The following ERBB4 variants were observed in gnomAD, a reference collection of about 807,000 sequenced individuals.
ERBB4 encodes the protein receptor tyrosine-protein kinase erbB-4.
Under a neutral mutation model 158.0 loss-of-function variants are expected in ERBB4, and 42 were observed. That is an observed-to-expected ratio of 0.27 (90% CI 0.21 to 0.34). ERBB4 has a LOEUF of 0.34. Ranked by LOEUF, ERBB4 falls within the 10% of genes least tolerant of loss-of-function variation. The pLI, the probability that ERBB4 is intolerant of heterozygous loss-of-function variation, is 1.00. For synonymous variants in ERBB4, 583 were observed against 558.7 expected, an observed-to-expected ratio of 1.04 and a Z score of -0.61; for missense variants, 1,333 against 1,624.1, an observed-to-expected ratio of 0.82 and a Z score of 3.08.
intron 1 of ERBB4, among the ~76,000 whole-genome samples, chr2:212,311,678 C>A (rs1402103798): frequency 1.3e-5 from 2 of 150,914 alleles, no homozygotes; most frequent in East Asian, 3.9e-4. Flanking sequence ...TTTTTAAAAA[C>A]CACAAATGGG....
intron 4 of ERBB4, among the ~76,000 whole-genome samples, chr2:211,780,131 GC>G (rs1199859402): frequency 6.6e-6 from 1 of 152,302 alleles, no homozygotes; most frequent in African/African-American, 2.4e-5. Flanking sequence ...TGAGGCTGTG[GC>G]GGGAGGATAA....
intron 1 of ERBB4, among the ~76,000 whole-genome samples, chr2:212,257,663 T>G (rs1009947210): frequency 2.0e-5 from 3 of 152,140 alleles, no homozygotes; most frequent in African/African-American, 4.8e-5. Context: ...ATGGAATTGT[T>G]AAGAATTCAC....
chr2:212,113,505 C>A (rs758212360), intron 2 of ERBB4, among the ~76,000 whole-genome samples: 3 of 126,322 alleles, frequency 2.4e-5, no homozygotes, highest in Non-Finnish European at 3.2e-5. Context: ...ACCCGGGAGG[C>A]GGAGCTTGCA....
chr2:211,973,369 T>C (rs2081510953), intron 2 of ERBB4, among the ~76,000 whole-genome samples: 1 of 151,948 alleles, frequency 6.6e-6, no homozygotes, highest in Admixed American at 6.6e-5. Flanking sequence ...ACCTGGCTAA[T>C]TTTTTGTATT....
intron 3 of ERBB4, among the ~76,000 whole-genome samples, chr2:211,894,681 G>C (rs2079055940): frequency 2.0e-5 from 3 of 152,240 alleles, no homozygotes; most frequent in Admixed American, 6.5e-5. Flanking sequence ...TATAGGATAG[G>C]GTGCTGATTG....
At chr2:212,068,695 C>T (rs1412491938) in intron 2 of ERBB4, among the ~76,000 whole-genome samples, 1 of 152,054 alleles carries the variant, frequency 6.6e-6, no homozygotes, top group African/African-American at 2.4e-5. Flanking sequence ...TTTGTCTCTG[C>T]TTTCTTCAGA....
intron 2 of ERBB4, among the ~76,000 whole-genome samples, chr2:211,955,263 T>A (rs530483620): frequency 4.9e-4 from 74 of 152,202 alleles, no homozygotes; most frequent in African/African-American, 1.7e-3. Context: ...ATTTCACTCA[T>A]CACTGGCCGC....
chr2:211,860,976 AAATATATTATATAATAT>A (rs1323874653), intron 3 of ERBB4, among the ~76,000 whole-genome samples: 1 of 74,732 alleles, frequency 1.3e-5, no homozygotes, highest in Non-Finnish European at 2.7e-5. Context: ...AAATATATTT[AAATATATTATATAATAT>A]AATATATTAT....
At chr2:211,742,719 A>G (rs2074837956) in intron 5 of ERBB4, among the ~76,000 whole-genome samples, 1 of 152,056 alleles carries the variant, frequency 6.6e-6, no homozygotes, top group Non-Finnish European at 1.5e-5. Context: ...AAATTTTCCT[A>G]GCATATTCTA....
At chr2:212,436,574 G>A (rs1450327046) in intron 1 of ERBB4, among the ~76,000 whole-genome samples, 1 of 151,920 alleles carries the variant, frequency 6.6e-6, no homozygotes, top group African/African-American at 2.4e-5. Context: ...TCCTTTCTAA[G>A]TCTCAGCTTC....
chr2:211,794,712 T>G (rs2076346033), intron 3 of ERBB4, among the ~76,000 whole-genome samples: 1 of 151,930 alleles, frequency 6.6e-6, no homozygotes. Context: ...CTCATTGATA[T>G]TCCCCGGAAA....
At chr2:212,374,385 T>C (rs17347662) in intron 1 of ERBB4, among the ~76,000 whole-genome samples, 12,306 of 151,876 alleles carry the variant, frequency 0.081, 599 homozygotes, top group Non-Finnish European at 0.11. Flanking sequence ...CATTATAGTA[T>C]AGCAACAATA....
intron 2 of ERBB4, among the ~76,000 whole-genome samples, chr2:211,979,393 A>G (rs564148786): frequency 2.0e-5 from 3 of 152,144 alleles, no homozygotes; most frequent in African/African-American, 7.2e-5. Flanking sequence ...TAACCACATT[A>G]TCTCTTGAGG....
At chr2:212,447,050 G>A (rs2092371000) in intron 1 of ERBB4, among the ~76,000 whole-genome samples, 2 of 149,490 alleles carry the variant, frequency 1.3e-5, no homozygotes, top group Non-Finnish European at 3.0e-5. Context: ...AGGCTAGAGT[G>A]CAGTGGCGCA....
chr2:211,976,235 A>G (rs1316367004), intron 2 of ERBB4, among the ~76,000 whole-genome samples: 1 of 152,198 alleles, frequency 6.6e-6, no homozygotes, highest in Non-Finnish European at 1.5e-5. Flanking sequence ...ACTCTAAACC[A>G]GAATTTCATC....
intron 5 of ERBB4, among the ~76,000 whole-genome samples, chr2:211,731,477 G>C (rs2074425460): frequency 6.6e-6 from 1 of 152,068 alleles, no homozygotes; most frequent in Non-Finnish European, 1.5e-5. Context: ...ATATGGGTTG[G>C]ATGTGAGGAA....
At chr2:212,504,858 G>A (rs1691099933) in intron 1 of ERBB4, among the ~76,000 whole-genome samples, 1 of 151,966 alleles carries the variant, frequency 6.6e-6, no homozygotes, top group Non-Finnish European at 1.5e-5. Context: ...ATAAAATATG[G>A]ATAGTATCAA....
At chr2:212,494,310 G>A (rs945370324) in intron 1 of ERBB4, among the ~76,000 whole-genome samples, 3 of 151,906 alleles carry the variant, frequency 2.0e-5, no homozygotes, top group Admixed American at 6.6e-5. Context: ...CACTAATTGA[G>A]TGCTTATATT....
chr2:212,455,708 A>T (rs975650328), intron 1 of ERBB4, among the ~76,000 whole-genome samples: 3 of 152,080 alleles, frequency 2.0e-5, no homozygotes, highest in African/African-American at 7.2e-5. Flanking sequence ...TTTTTACTTT[A>T]TTGGATAGAA....
Sources: gnomAD v4.1 joint callset for allele counts (sites outside exome capture counted in the v4.1 genomes callset) on GRCh38, gnomAD v4.1.1 for gene constraint, MANE v1.5 for transcripts, NCBI Gene and HGNC (gene_info 2026-07-23, HGNC 2026-07-21) for gene names.